Variants in DPYD observed in about 807,000 individuals in gnomAD.
DPYD encodes the protein dihydropyrimidine dehydrogenase [NADP(+)].
A neutral mutation model predicts 116.2 loss-of-function variants in DPYD; 109 were observed. The observed-to-expected ratio is 0.94, with a 90% CI of 0.80 to 1.10. The LOEUF (loss-of-function observed/expected upper bound fraction) is 1.10. DPYD is among the 50% of genes least tolerant of loss of function. The pLI, the probability that DPYD is intolerant of heterozygous loss-of-function variation, is 0.00. For synonymous variants in DPYD, 440 were observed against 432.0 expected (o/e 1.02, Z -0.23); for missense variants, 1,302 against 1,254.5 (o/e 1.04, Z -0.57).
At chr1:97,083,615 CTGTT>C (rs1375489252) in intron 21 of DPYD, among the ~76,000 whole-genome samples, 1 of 152,116 alleles carries the variant, frequency 6.6e-6, no homozygotes, top group Admixed American at 6.6e-5. Flanking sequence ...ACACTGCAGT[CTGTT>C]TGTAGGTGGG....
intron 13 of DPYD, among the ~76,000 whole-genome samples, chr1:97,456,101 T>C (rs1293141223): frequency 1.3e-5 from 2 of 151,872 alleles, no homozygotes; most frequent in Admixed American, 6.6e-5. Context: ...CAAATTATCA[T>C]GACCTATATC....
chr1:97,455,915 C>T (rs923148225), intron 13 of DPYD, among the ~76,000 whole-genome samples: 3 of 151,718 alleles, frequency 2.0e-5, no homozygotes, highest in African/African-American at 7.3e-5. Context: ...ACAGAATTTG[C>T]CCTTTTGTCA....
At chr1:97,302,661 A>G (rs182443711) in intron 18 of DPYD, among the ~76,000 whole-genome samples, 30 of 152,122 alleles carry the variant, frequency 2.0e-4, no homozygotes, top group Non-Finnish European at 2.9e-4. Flanking sequence ...CTGAAACAGT[A>G]ACTCTCAAAA....
intron 3 of DPYD, among the ~76,000 whole-genome samples, chr1:97,780,012 T>A (rs1362396281): frequency 6.6e-6 from 1 of 152,342 alleles, no homozygotes; most frequent in Admixed American, 6.5e-5. Context: ...ACTTAATTTC[T>A]ACATTGTTTG....
chr1:97,581,680 A>C (rs539628354), intron 10 of DPYD, among the ~76,000 whole-genome samples: 2 of 149,464 alleles, frequency 1.3e-5, no homozygotes, highest in Admixed American at 1.3e-4. Context: ...CAGATGTTTC[A>C]GATTGCAATG....
In DPYD at chr1:97,158,472, G is replaced by GACACACACACACACACAC. The variant is rs58771302; in HGVS notation, c.2622+34579_2622+34596dup. Among the ~76,000 whole-genome samples, 80 of 112,082 alleles carry GACACACACACACACACAC rather than the reference G, an allele frequency of 7.1e-4. 4 individuals are homozygous for GACACACACACACACACAC. The highest frequency in any genetic ancestry group is 6.0e-4 in the Admixed American group (6 of 9,956). 73.5% of individuals were successfully genotyped at this position (112,082 alleles called of 152,430 possible). ...GGCTTCTCCTGCAGATAACTCACCA[G>GACACACACACACACACAC]ACACACACACACACACACACACACA... is the stretch of plus-strand genomic sequence containing the variant. On this transcript the variant is annotated intron_variant, in intron 20 of 22. Coordinates refer to ENST00000370192, the MANE Select transcript of DPYD (RefSeq NM_000110.4).
intron 12 of DPYD, chr1:97,546,408 T>C (rs1570937246): frequency 2.6e-6 from 4 of 1,551,006 alleles, no homozygotes; most frequent in Middle Eastern, 3.4e-4. Context: ...GCAGTGATTC[T>C]GAAGAAGAAG....
chr1:97,210,666 A>AT (rs1214145310), intron 19 of DPYD, among the ~76,000 whole-genome samples: 5 of 152,318 alleles, frequency 3.3e-5, no homozygotes, highest in Admixed American at 1.3e-4. Context: ...ATGCATTTTC[A>AT]GGCTTGAGAC....
At chr1:97,571,511 T>C (rs1197197878) in intron 11 of DPYD, among the ~76,000 whole-genome samples, 1 of 151,884 alleles carries the variant, frequency 6.6e-6, no homozygotes, top group Non-Finnish European at 1.5e-5. Flanking sequence ...TGGCATGCAG[T>C]TCACTGAAGT....
intron 21 of DPYD, among the ~76,000 whole-genome samples, chr1:97,087,247 A>C (rs571590156): frequency 2.0e-5 from 3 of 152,324 alleles, no homozygotes; most frequent in African/African-American, 7.2e-5. Context: ...AGTGTGGTAT[A>C]GTGATCTCTT....
rs1315277063 is a variant in DPYD at position 97,679,015 on chromosome 1, A to C, written c.850+80T>G. On this transcript the variant is annotated intron_variant, in intron 8 of 22. Coordinates refer to ENST00000370192, the MANE Select transcript of DPYD (RefSeq NM_000110.4). ...ATAACTTTCATCACGAAAATGTCTG[A>C]AGGCAGTCATTCTTCTGGATATTGC... 3 of 622,790 alleles carry C rather than the reference A, an allele frequency of 4.8e-6. No individual in the cohort carries two copies. In the African/African-American group the frequency reaches 5.7e-5, roughly 12 times the overall value. 38.6% of individuals were successfully genotyped at this position (622,790 alleles called of 1,614,324 possible). A position where few individuals can be genotyped will look rare whatever the true frequency, so the allele number is the denominator to read the frequency against.
intron 3 of DPYD, among the ~76,000 whole-genome samples, chr1:97,775,346 G>A (rs567799315): frequency 1.3e-5 from 2 of 152,138 alleles, no homozygotes; most frequent in South Asian, 4.2e-4. Context: ...TCTGATATAT[G>A]GAAGTGAATA....
intron 12 of DPYD, among the ~76,000 whole-genome samples, chr1:97,520,020 C>A (rs1238082439): frequency 6.6e-6 from 1 of 151,806 alleles, no homozygotes; most frequent in African/African-American, 2.4e-5. Flanking sequence ...CATTAACTTC[C>A]CCATATTTTT....
At chr1:97,131,579 A>G (rs1368290236) in intron 20 of DPYD, among the ~76,000 whole-genome samples, 1 of 152,204 alleles carries the variant, frequency 6.6e-6, no homozygotes, top group African/African-American at 2.4e-5. Context: ...GAGAAGGTCA[A>G]GAGCAGTGGA....
intron 18 of DPYD, among the ~76,000 whole-genome samples, chr1:97,253,470 A>T (rs933353114): frequency 9.2e-5 from 14 of 152,140 alleles, no homozygotes; most frequent in Non-Finnish European, 1.5e-4. Flanking sequence ...TGTTTTATGT[A>T]TGGAAAAATG....
In DPYD at chr1:97,544,796, T is replaced by C. The variant is rs115922274; in HGVS notation, c.1524+4764A>G. ...TTTAAAATCTATAAATGGATTTAAA[T>C]ATTTAGGATAAGAACAAAAAACAAA... On this transcript the variant is annotated intron_variant, in intron 12 of 22. Coordinates refer to ENST00000370192, the MANE Select transcript of DPYD (RefSeq NM_000110.4). Among the ~76,000 whole-genome samples, 516 of 152,244 alleles carry C rather than the reference T, an allele frequency of 3.4e-3. 4 individuals are homozygous for C. Among genetic ancestry groups the C allele is most frequent in the African/African-American group, 0.012 (491 of 41,570 alleles).
intron 14 of DPYD, among the ~76,000 whole-genome samples, chr1:97,404,771 T>C (rs960205946): frequency 2.6e-4 from 40 of 152,030 alleles, no homozygotes; most frequent in African/African-American, 6.0e-4. Flanking sequence ...ATTTAGATCA[T>C]TGATATTCAA....
At chr1:97,273,194 AT>A (rs1369448611) in intron 18 of DPYD, among the ~76,000 whole-genome samples, 1 of 152,130 alleles carries the variant, frequency 6.6e-6, no homozygotes, top group Admixed American at 6.6e-5. Flanking sequence ...TTTAAGTCAA[AT>A]TTGCTAATAG....
At position 97,883,318 on chromosome 1, in the gene DPYD, C is replaced by T. The variant is rs775622568; in HGVS notation, c.96G>A (p.Ser32=). The stretch of plus-strand genomic sequence containing the variant: ...AATGTTTCTTGTCTAATTTCTTGGC[C>T]GAAGTGGAACACAGAGTTGCATGAG... ...TQTHATLCST[S]AKKLDKKHWK... The change falls in exon 2 of 23, where the codon TCG becomes TCA. Residue 32 remains serine, a synonymous_variant. Transcript: ENST00000370192. 1.1e-5 allele frequency: 18 copies of T among 1,612,550 alleles called. No homozygotes were observed. The highest frequency in any genetic ancestry group is 6.7e-5 in the Admixed American group (4 of 59,918).
Sources: allele counts gnomAD v4.1 joint callset (sites outside exome capture counted in the v4.1 genomes callset), GRCh38; gene constraint gnomAD v4.1.1; transcripts MANE v1.5; gene names NCBI Gene and HGNC (gene_info 2026-07-23, HGNC 2026-07-21).